Variants in BCAR3 observed in about 807,000 individuals in gnomAD.
BCAR3 encodes the protein BCAR3 adaptor protein, NSP family member.
BCAR3 carries 37 observed loss-of-function variants against 80.1 expected under a neutral mutation model. That is an observed-to-expected ratio of 0.46 (90% CI 0.36 to 0.61). BCAR3 has a LOEUF of 0.61. Ranked by LOEUF, BCAR3 falls within the 20% of genes least tolerant of loss-of-function variation. The pLI, the probability that BCAR3 is intolerant of heterozygous loss-of-function variation, is 0.00. For missense variants in BCAR3, 978 were observed against 1,068.2 expected (o/e 0.92, Z 1.18); for synonymous variants, 389 against 418.9 (o/e 0.93, Z 0.87).
At position 93,642,306 on chromosome 1, in the gene BCAR3, T is replaced by G. The variant is rs1273145590; in HGVS notation, c.355A>C (p.Lys119Gln). 6.2e-7 allele frequency: 1 copy of G among 1,613,660 alleles called. No homozygotes were observed. ...HLLDPTVEYV[K>Q]FSKERHIMDR... ...CATGTTTAATTCTCATTTCCTACCT[T>G]CACATATTCCACAGTTGGGTCCAGA... Residue 119 changes from lysine (K) to glutamine (Q), a missense_variant and splice_region_variant, in exon 3 of 12, where the codon AAG becomes CAG. By Grantham distance (53) the Lys-to-Gln change is moderately conservative. Transcript: ENST00000260502.
chr1:93,609,056 A>G (rs567726112), intron 3 of BCAR3, among the ~76,000 whole-genome samples: 1 of 152,282 alleles, frequency 6.6e-6, no homozygotes, highest in South Asian at 2.1e-4. Context: ...CCTCTGCTGC[A>G]CCACACACAC....
rs1674257278 is a variant in BCAR3, at chr1:93,592,550, TC to T, written c.358-158del. ...AATGATTACAAAGAGCTGTGACCTT[TC>T]GTTTCTCCGGCCGCAACCATGTAAT... On this transcript the variant is annotated intron_variant, in intron 3 of 11. Coordinates refer to ENST00000260502, the MANE Select transcript of BCAR3 (RefSeq NM_003567.4). This position sits in a 1 kb window ranked among gnomAD's most constrained non-coding sequence, Gnocchi z 4.8. 9.6e-7 allele frequency: 1 copy of T among 1,039,218 alleles called. No individual in the cohort carries two copies. The allele number at this position is 1,039,218 out of a possible 1,614,324, so 64.4% of individuals were successfully genotyped here. A position where few individuals can be genotyped will look rare whatever the true frequency, so the allele number is the denominator to read the frequency against.
intron 3 of BCAR3, among the ~76,000 whole-genome samples, chr1:93,601,425 C>CA (rs1298869028): frequency 6.6e-6 from 1 of 152,136 alleles, no homozygotes; most frequent in Admixed American, 6.5e-5. Context: ...GAGTAGCACT[C>CA]AATGGTTCTA....
At chr1:93,830,657 G>T (rs937079600) in intron 2 of BCAR3, among the ~76,000 whole-genome samples, 1 of 151,832 alleles carries the variant, frequency 6.6e-6, no homozygotes, top group Non-Finnish European at 1.5e-5. Context: ...CTCTCTTTTC[G>T]GACTCAGCCC....
intron 5 of BCAR3, among the ~76,000 whole-genome samples, chr1:93,588,109 G>A (rs1420841326): frequency 2.0e-5 from 3 of 152,042 alleles, no homozygotes; most frequent in African/African-American, 7.3e-5. Flanking sequence ...TTTCCAGGTG[G>A]ACCAAGCCCT....
At chr1:93,844,342 C>T (rs772660589) in intron 2 of BCAR3, among the ~76,000 whole-genome samples, 9 of 152,094 alleles carry the variant, frequency 5.9e-5, no homozygotes, top group African/African-American at 1.4e-4. Context: ...AACATGAAAC[C>T]GTATTTAATT....
intron 3 of BCAR3, among the ~76,000 whole-genome samples, chr1:93,615,922 G>T (rs1675109533): frequency 6.6e-6 from 1 of 152,160 alleles, no homozygotes; most frequent in Non-Finnish European, 1.5e-5. Flanking sequence ...AGGGAGGGGG[G>T]CAGTGACTGA....
Position 93,689,115 on chromosome 1 carries a change from G to A in BCAR3, c.-11-14174C>T, listed in dbSNP as rs139161496. Among the ~76,000 whole-genome samples, 34 of 152,296 alleles carry A rather than the reference G, an allele frequency of 2.2e-4. No homozygotes were observed. The East Asian group carries it at 6.4e-3, about 29-fold the overall frequency. Reference sequence around the variant, plus strand: ...GGACTTTCATCCTAGCAGGGAACATGGCATGGATCTGGAGTGAGAGAAGGA... The same window carrying A: ...GGACTTTCATCCTAGCAGGGAACATAGCATGGATCTGGAGTGAGAGAAGGA... On this transcript the variant is annotated intron_variant, in intron 3 of 13. Coordinates refer to the BCAR3 transcript ENST00000370244.
In BCAR3 at chr1:93,589,044, T is replaced by C; in HGVS notation, c.862A>G (p.Arg288Gly). Residue 288 changes from arginine (R) to glycine (G), a missense_variant, in exon 5 of 12, where the codon AGG becomes GGG. Coordinates refer to ENST00000260502, the MANE Select transcript of BCAR3 (RefSeq NM_003567.4). ...ACGCCACCCATGGTGAGGCTCAGCCTCTTGGCCACATCCGGCCTTCCCTTG... is the reference window on the plus strand; with the variant it reads ...ACGCCACCCATGGTGAGGCTCAGCCCCTTGGCCACATCCGGCCTTCCCTTG... ...LTKGRPDVAKRLSLTMGGVQA... is the reference protein window; with the variant it reads ...LTKGRPDVAKGLSLTMGGVQA... 2 of 1,610,738 alleles carry C rather than the reference T, an allele frequency of 1.2e-6. No homozygotes were observed. Among genetic ancestry groups the C allele is most frequent in the Non-Finnish European group, 1.7e-6 (2 of 1,177,866 alleles).
At chr1:93,777,913 T>G (rs1319405787) in intron 2 of BCAR3, among the ~76,000 whole-genome samples, 1 of 152,246 alleles carries the variant, frequency 6.6e-6, no homozygotes, top group Admixed American at 6.5e-5. Flanking sequence ...TTTATTTTTC[T>G]TTTTTGAACA....
intron 8 of BCAR3, among the ~76,000 whole-genome samples, chr1:93,574,721 G>C (rs941095077): frequency 7.2e-5 from 11 of 152,226 alleles, no homozygotes; most frequent in Non-Finnish European, 1.3e-4. Flanking sequence ...AGCTAGTGGA[G>C]CCGGGAGGTC....
intron 2 of BCAR3, 89 bp downstream of exon 2, chr1:93,674,525 C>T: frequency 7.1e-7 from 1 of 1,401,684 alleles, no homozygotes; most frequent in South Asian, 1.3e-5. Context: ...GCTGGGATTA[C>T]AGGTGTGAGC....
At chr1:93,832,832 T>G (rs912001437) in intron 2 of BCAR3, among the ~76,000 whole-genome samples, 24 of 152,180 alleles carry the variant, frequency 1.6e-4, no homozygotes, top group Admixed American at 9.8e-4. Context: ...ACATTTTAAC[T>G]AAATTATCTG....
chr1:93,744,423 T>C (rs954381369), intron 2 of BCAR3, among the ~76,000 whole-genome samples: 2 of 152,166 alleles, frequency 1.3e-5, no homozygotes, highest in Admixed American at 6.5e-5. Context: ...GCTTCTCCGA[T>C]AGTAGCACTT....
intron 2 of BCAR3, among the ~76,000 whole-genome samples, chr1:93,831,327 T>G (rs1654555063): frequency 6.6e-6 from 1 of 152,170 alleles, no homozygotes; most frequent in Admixed American, 6.5e-5. Flanking sequence ...TCCCTTAGCC[T>G]GTGTTCTCAA....
intron 2 of BCAR3, among the ~76,000 whole-genome samples, chr1:93,666,111 A>G (rs1159390166): frequency 6.6e-6 from 1 of 152,160 alleles, no homozygotes; most frequent in Non-Finnish European, 1.5e-5. Flanking sequence ...GAGACAAAGC[A>G]ATCTTCTAAA....
chr1:93,652,928 G>A (rs1676368626), intron 2 of BCAR3, among the ~76,000 whole-genome samples: 1 of 152,126 alleles, frequency 6.6e-6, no homozygotes. Context: ...CTTTAGAAAT[G>A]TTTAGTTGAG....
intron 7 of BCAR3, among the ~76,000 whole-genome samples, 198 bp from the exon 8 acceptor site, chr1:93,576,327 CTT>C (rs1211388514): frequency 2.0e-5 from 3 of 152,154 alleles, no homozygotes; most frequent in Non-Finnish European, 4.4e-5. Context: ...CAGTATAAAA[CTT>C]AGGGGGAAAA....
intron 2 of BCAR3, among the ~76,000 whole-genome samples, chr1:93,709,802 A>G (rs1030693798): frequency 2.0e-5 from 3 of 152,220 alleles, no homozygotes; most frequent in African/African-American, 4.8e-5. Context: ...CAACCGTCCT[A>G]TATTAGGACT....
Sources: allele counts gnomAD v4.1 joint callset (sites outside exome capture counted in the v4.1 genomes callset), GRCh38; gene constraint gnomAD v4.1.1; non-coding constraint Gnocchi (gnomAD v3.1); transcripts MANE v1.5; gene names NCBI Gene and HGNC (gene_info 2026-07-23, HGNC 2026-07-21).